The following FAR2 variants were observed in gnomAD, a reference collection of about 807,000 sequenced individuals.
The protein encoded by FAR2 is fatty acyl-CoA reductase 2, also known as epididymis secretory protein Li 81.
Under a neutral mutation model 56.0 loss-of-function variants are expected in FAR2, and 19 were observed. That is an observed-to-expected ratio of 0.34 (90% CI 0.24 to 0.50). The LOEUF (loss-of-function observed/expected upper bound fraction) is 0.50, where lower values mean the gene tolerates loss of function less well. Among genes scored for constraint, FAR2 ranks in the 20% least tolerant of loss-of-function variants. The pLI, the probability that FAR2 is intolerant of heterozygous loss-of-function variation, is 0.98. For synonymous variants in FAR2, 219 were observed against 218.8 expected (o/e 1.00, Z -0.01); for missense variants, 508 against 642.2 (o/e 0.79, Z 2.26).
intron 1 of FAR2, among the ~76,000 whole-genome samples, chr12:29,205,523 T>C (rs1947469237): frequency 6.6e-6 from 1 of 152,202 alleles, no homozygotes; most frequent in Non-Finnish European, 1.5e-5. Context: ...TTTAAGCTCC[T>C]GCTGTTTTGG....
At position 29,331,922 on chromosome 12, in the gene FAR2, C is replaced by T. The variant is rs570982203; in HGVS notation, c.1258-678C>T. On this transcript the variant is annotated intron_variant, in intron 10 of 11. Coordinates refer to ENST00000536681, the MANE Select transcript of FAR2 (RefSeq NM_001271783.2). ...TTTTCTTTTCTCTTCCTCAAAGATA[C>T]CTTAAAAATTTTTTAATCATTTTTC... The T allele has an allele frequency of 2.6e-5, 4 of 152,226 alleles. No individual in the cohort carries two copies. In the South Asian group the frequency reaches 8.3e-4, roughly 32 times the overall value. The allele number at this position is 152,226 out of a possible 1,614,324, so 9.4% of individuals were successfully genotyped here.
chr12:29,317,999 G>A lies in FAR2; in HGVS notation c.1127+987G>A, dbSNP rs543248477. Among the ~76,000 whole-genome samples the A allele has an allele frequency of 5.9e-5, 9 of 152,328 alleles. No homozygotes were observed. In the South Asian group the frequency reaches 1.9e-3, roughly 32 times the overall value. The stretch of plus-strand genomic sequence containing the variant: ...AAGGCAGCTGTCACCACCTAGCTGT[G>A]TGACACAGGACATACGCCTTTATCT... On this transcript the variant is annotated intron_variant, in intron 9 of 11. Transcript: ENST00000536681.
rs140117844 is a variant in FAR2, at chr12:29,210,567, A to G, written c.-38-59845A>G. Among the ~76,000 whole-genome samples, 220 of 152,376 alleles carry G rather than the reference A, an allele frequency of 1.4e-3. 1 individual carries two copies. The South Asian group carries it at 0.021, about 15-fold the overall frequency. ...ATTCTGGCAATAAGAATAGATGAAT[A>G]TTCCGCAGTGACTTAGGCTTTCTGT... On this transcript the variant is annotated intron_variant, in intron 1 of 11. Coordinates refer to ENST00000536681, the MANE Select transcript of FAR2 (RefSeq NM_001271783.2).
At chr12:29,246,441 T>C (rs1948129332) in intron 1 of FAR2, among the ~76,000 whole-genome samples, 1 of 140,838 alleles carries the variant, frequency 7.1e-6, no homozygotes, top group Non-Finnish European at 1.6e-5. Flanking sequence ...CTTGGAATTC[T>C]TCTGTCTTTC....
chr12:29,284,120 G>C (rs10843377), intron 2 of FAR2, among the ~76,000 whole-genome samples: 43,382 of 152,058 alleles, frequency 0.29, 6,400 homozygotes, highest in East Asian at 0.35. Context: ...ACATTGAAAG[G>C]ACAGTATCTA....
At chr12:29,232,821 G>GCACACA (rs71042969) in intron 1 of FAR2, among the ~76,000 whole-genome samples, 17,034 of 145,796 alleles carry the variant, frequency 0.12, 1,028 homozygotes, top group African/African-American at 0.17. Context: ...ACGCGCTCGC[G>GCACACA]CACACACACA....
chr12:29,289,920 A>G (rs1948937965), intron 2 of FAR2, among the ~76,000 whole-genome samples: 1 of 152,226 alleles, frequency 6.6e-6, no homozygotes, highest in Admixed American at 6.5e-5. Flanking sequence ...CATACAAAAG[A>G]CAAACAGGCA....
intron 1 of FAR2, among the ~76,000 whole-genome samples, chr12:29,209,714 G>T (rs995201822): frequency 3.9e-5 from 6 of 151,920 alleles, no homozygotes; most frequent in Non-Finnish European, 5.9e-5. Context: ...GTGTGTGTGT[G>T]TGTGTCTGTG....
At chr12:29,268,021 T>C (rs186039665) in intron 1 of FAR2, among the ~76,000 whole-genome samples, 29 of 152,180 alleles carry the variant, frequency 1.9e-4, no homozygotes, top group Non-Finnish European at 4.0e-4. Flanking sequence ...GCTGAAAAAT[T>C]TTTTTAGTAA....
intron 1 of FAR2, among the ~76,000 whole-genome samples, chr12:29,157,736 G>A (rs1386254434): frequency 6.6e-6 from 1 of 152,174 alleles, no homozygotes; most frequent in Non-Finnish European, 1.5e-5. Flanking sequence ...ACAGAAGTGA[G>A]CAAAAATCCC....
intron 2 of FAR2, chr12:29,292,111 C>A (rs111475343): frequency 6.6e-6 from 1 of 152,116 alleles, no homozygotes; most frequent in Non-Finnish European, 1.5e-5. Flanking sequence ...TGCTGTTCAA[C>A]GTTGCACAGG....
intron 1 of FAR2, among the ~76,000 whole-genome samples, chr12:29,218,142 G>A (rs1346925597): frequency 3.9e-5 from 6 of 152,088 alleles, no homozygotes; most frequent in Non-Finnish European, 8.8e-5. Context: ...GGATCACAAG[G>A]TCAGGAGATC....
chr12:29,281,195 T>C (rs1253636534), intron 2 of FAR2: 1 of 152,166 alleles, frequency 6.6e-6, no homozygotes, highest in Non-Finnish European at 1.5e-5. Context: ...CTCTGTTCTA[T>C]CTCTTGTCAT....
intron 1 of FAR2, among the ~76,000 whole-genome samples, chr12:29,200,892 A>G (rs1457573354): frequency 1.3e-5 from 2 of 152,194 alleles, no homozygotes; most frequent in African/African-American, 4.8e-5. Flanking sequence ...GATCAGGGCC[A>G]GTCGCAACTG....
At chr12:29,221,538 A>G (rs1947691006) in intron 1 of FAR2, among the ~76,000 whole-genome samples, 1 of 152,216 alleles carries the variant, frequency 6.6e-6, no homozygotes, top group South Asian at 2.1e-4. Flanking sequence ...ACACATATTC[A>G]GACTGAATGA....
intron 1 of FAR2, among the ~76,000 whole-genome samples, chr12:29,181,029 C>A (rs943810105): frequency 2.0e-5 from 3 of 151,914 alleles, no homozygotes; most frequent in African/African-American, 7.3e-5. Context: ...AGTTTTATTA[C>A]CCTTAAATAT....
At chr12:29,263,160 A>G (rs779903699) in intron 1 of FAR2, among the ~76,000 whole-genome samples, 3 of 152,230 alleles carry the variant, frequency 2.0e-5, no homozygotes, top group African/African-American at 4.8e-5. Flanking sequence ...AGCAAATATT[A>G]TTAGAGCTAA....
intron 10 of FAR2, among the ~76,000 whole-genome samples, chr12:29,325,585 G>C (rs1462465041): frequency 6.6e-6 from 1 of 152,126 alleles, no homozygotes; most frequent in African/African-American, 2.4e-5. Context: ...TAGAACTCAG[G>C]ATTAGGAAAC....
At chr12:29,258,150 C>A (rs902476966) in intron 1 of FAR2, among the ~76,000 whole-genome samples, 1 of 150,636 alleles carries the variant, frequency 6.6e-6, no homozygotes, top group Non-Finnish European at 1.5e-5. Context: ...TCGAGACTAG[C>A]CTGACCAACA....
Sources: allele counts gnomAD v4.1 joint callset (sites outside exome capture counted in the v4.1 genomes callset), GRCh38; gene constraint gnomAD v4.1.1; transcripts MANE v1.5; gene names NCBI Gene and HGNC (gene_info 2026-07-23, HGNC 2026-07-21).